The following METTL25 variants were observed in gnomAD, a reference collection of about 807,000 sequenced individuals.
METTL25 encodes the protein probable methyltransferase-like protein 25.
A neutral mutation model predicts 71.6 loss-of-function variants in METTL25; 64 were observed. That is an observed-to-expected ratio of 0.89 (90% confidence interval 0.73 to 1.10). The LOEUF is 1.10. Among genes scored for constraint, METTL25 ranks in the 50% least tolerant of loss-of-function variants. The pLI, the probability that METTL25 is intolerant of heterozygous loss-of-function variation, is 0.00. For missense variants in METTL25, 807 were observed against 707.0 expected, an observed-to-expected ratio of 1.14 and a Z score of -1.60; for synonymous variants, 287 against 250.3, an observed-to-expected ratio of 1.15 and a Z score of -1.38.
At chr12:82,428,414 C>T (rs146149259) in intron 5 of METTL25, among the ~76,000 whole-genome samples, 60 of 151,834 alleles carry the variant, frequency 4.0e-4, no homozygotes, top group African/African-American at 1.1e-3. Flanking sequence ...CTTTTTACAG[C>T]GAGATCTGTA....
Position 82,399,348 on chromosome 12 carries a change from T to C in METTL25, c.1085T>C (p.Phe362Ser), listed in dbSNP as rs1269392633. 1.1e-5 allele frequency: 18 copies of C among 1,603,012 alleles called. No individual in the cohort carries two copies. The highest frequency in any genetic ancestry group is 1.5e-5 in the Non-Finnish European group (18 of 1,176,104). Residue 362 changes from phenylalanine to serine, a missense_variant, in exon 4 of 12, where the codon TTT (phenylalanine) becomes TCT (serine). Coordinates refer to ENST00000248306, the MANE Select transcript of METTL25 (RefSeq NM_032230.3). ...ESNIYSPLTSFITADSELHDI... is the reference protein window; with the variant it reads ...ESNIYSPLTSSITADSELHDI... Reference sequence around the variant, plus strand: ...AATATATATTCACCTTTAACCTCTTTTATCACTGCTGATTCAGAACTCCAT... The same window carrying C: ...AATATATATTCACCTTTAACCTCTTCTATCACTGCTGATTCAGAACTCCAT...
chr12:82,476,226 T>A (rs975101188), intron 9 of METTL25: 2 of 157,644 alleles, frequency 1.3e-5, no homozygotes, highest in Admixed American at 6.5e-5. Context: ...CTACCTTAAG[T>A]ATGAACATAT....
intron 1 of METTL25, among the ~76,000 whole-genome samples, chr12:82,378,142 C>A (rs1458777250): frequency 6.6e-6 from 1 of 152,114 alleles, no homozygotes; most frequent in Non-Finnish European, 1.5e-5. Flanking sequence ...TCAGGTTCAG[C>A]CACAGAGTAT....
chr12:82,393,001 T>G (rs527491255), intron 3 of METTL25, among the ~76,000 whole-genome samples: 170 of 152,230 alleles, frequency 1.1e-3, no homozygotes, highest in African/African-American at 4.0e-3. Context: ...TCTGTTTTTA[T>G]GGGAGTGTCA....
intron 7 of METTL25, among the ~76,000 whole-genome samples, chr12:82,438,296 G>A (rs552260812): frequency 2.2e-4 from 33 of 151,510 alleles, no homozygotes; most frequent in Non-Finnish European, 4.3e-4. Flanking sequence ...GTGACTCCTA[G>A]CTGTTATTAT....
In METTL25 at chr12:82,417,845, AGATGACGTTGAGC is replaced by A. The variant is rs528796876; in HGVS notation, c.1280-13047_1280-13035del. On this transcript the variant is annotated intron_variant, in intron 5 of 11. Coordinates refer to ENST00000248306, the MANE Select transcript of METTL25 (RefSeq NM_032230.3). ...GTAGCCAGGAGAAGCTTTGTTGTTAAGATGACGTTGAGCAGACAGTTGAAAGATGAGGGAGCAA... is the reference window on the plus strand; with the variant it reads ...GTAGCCAGGAGAAGCTTTGTTGTTAAAGACAGTTGAAAGATGAGGGAGCAA... Among the ~76,000 whole-genome samples, 336 of 152,286 alleles carry A rather than the reference AGATGACGTTGAGC, an allele frequency of 2.2e-3. 1 individual carries two copies. The highest frequency in any genetic ancestry group is 0.02 in the South Asian group (97 of 4,824).
chr12:82,465,601 G>A (rs938933771), intron 9 of METTL25, among the ~76,000 whole-genome samples: 18 of 151,626 alleles, frequency 1.2e-4, no homozygotes, highest in Admixed American at 3.9e-4. Flanking sequence ...TGGTTTCAGC[G>A]TTATGCTGAC....
At chr12:82,473,918 A>C (rs1216298062) in intron 9 of METTL25, among the ~76,000 whole-genome samples, 1 of 152,116 alleles carries the variant, frequency 6.6e-6, no homozygotes. Context: ...TGGTGGAATG[A>C]AGATAGAACC....
chr12:82,446,854 T>G (rs1890788351), intron 8 of METTL25, among the ~76,000 whole-genome samples: 2 of 151,738 alleles, frequency 1.3e-5, no homozygotes, highest in Non-Finnish European at 2.9e-5. Flanking sequence ...TGACCTCAGG[T>G]GATCTGCCTG....
chr12:82,363,013 C>T (rs1258789000), intron 1 of METTL25, among the ~76,000 whole-genome samples: 1 of 152,168 alleles, frequency 6.6e-6, no homozygotes, highest in Admixed American at 6.5e-5. Context: ...CCCTGTAGAT[C>T]TAGCAGTGGA....
At position 82,389,846 on chromosome 12, in the gene METTL25, A is replaced by G; in HGVS notation, c.455A>G (p.Asn152Ser). The G allele has an allele frequency of 6.2e-7, 1 of 1,604,980 alleles. No individual in the cohort carries two copies. ...GENQKAVEFM[N>S]MKKSHEVQAM... The stretch of plus-strand genomic sequence containing the variant: ...AATCAGAAGGCAGTTGAGTTTATGA[A>G]TATGAAGAAATCTCATGAAGTTCAG... The change falls in exon 3 of 12, where the codon AAT becomes AGT. Residue 152 changes from asparagine (N) to serine (S), a missense_variant. By Grantham distance (46) the Asn-to-Ser change is conservative. Transcript: ENST00000248306.
intron 1 of METTL25, among the ~76,000 whole-genome samples, chr12:82,385,186 A>G (rs1884857973): frequency 6.6e-6 from 1 of 152,152 alleles, no homozygotes; most frequent in South Asian, 2.1e-4. Context: ...AATTTGGTAA[A>G]CATTACCACC....
chr12:82,427,542 C>T (rs1213859494), intron 5 of METTL25, among the ~76,000 whole-genome samples: 2 of 151,932 alleles, frequency 1.3e-5, no homozygotes, highest in African/African-American at 4.8e-5. Context: ...GAAGACCTCT[C>T]TGCCTGGAGA....
At chr12:82,375,452 AAT>A (rs1491076504) in intron 1 of METTL25, among the ~76,000 whole-genome samples, 48 of 151,722 alleles carry the variant, frequency 3.2e-4, no homozygotes, top group African/African-American at 1.2e-3. Context: ...GAAAAAAAAA[AAT>A]ATATATATGT....
In METTL25 at chr12:82,370,852, G is replaced by A. The variant is rs181300899; in HGVS notation, c.259+12028G>A. ...TGGCCTTTCCCTGCCTCTGCCAGCC[G>A]CTTATGCTGCTGTTCTCCTCTCTCC... On this transcript the variant is annotated intron_variant, in intron 1 of 11. Transcript: ENST00000248306. Among the ~76,000 whole-genome samples the A allele has an allele frequency of 5.3e-3, 807 of 151,712 alleles. 4 individuals are homozygous for A. Among genetic ancestry groups the A allele is most frequent in the Admixed American group, 0.028 (431 of 15,256 alleles).
Position 82,398,814 on chromosome 12 carries a change from G to A in METTL25, c.551G>A (p.Gly184Asp). 1 of 1,544,010 alleles carries A rather than the reference G, an allele frequency of 6.5e-7. No individual in the cohort carries two copies. The highest frequency in any genetic ancestry group is 1.8e-4 in the Middle Eastern group (1 of 5,712). Residue 184 changes from glycine (G) to aspartate (D), a missense_variant, in exon 4 of 12, where the codon GGT (glycine) becomes GAT (aspartate). Physicochemically the swap from Gly to Asp is moderately conservative, Grantham distance 94 (BLOSUM62 -1). Coordinates refer to ENST00000248306, the MANE Select transcript of METTL25 (RefSeq NM_032230.3). The part of the protein sequence containing the change: ...GIKQVIDLGS[G>D]KGYLSSFLSL... ...TCTTAGGTGATTGACTTGGGTTCCG[G>A]TAAAGGCTACCTAAGCTCTTTTTTG... is the stretch of plus-strand genomic sequence containing the variant.
rs1361708776 is a variant in METTL25, at chr12:82,377,695, G to A, written c.260-9108G>A. ...ATCTCTAGAATCAAGAGAAAAAACA[G>A]TTAATTGAATTGTTTGTCGTAATTT... On this transcript the variant is annotated intron_variant, in intron 1 of 11. Coordinates refer to ENST00000248306, the MANE Select transcript of METTL25 (RefSeq NM_032230.3). 2.0e-5 allele frequency among the ~76,000 whole-genome samples: 3 copies of A among 152,186 alleles called. No homozygotes were observed. The South Asian group carries it at 6.2e-4, about 31-fold the overall frequency.
At chr12:82,452,980 C>A (rs970704010) in intron 8 of METTL25, among the ~76,000 whole-genome samples, 1 of 152,080 alleles carries the variant, frequency 6.6e-6, no homozygotes, top group Non-Finnish European at 1.5e-5. Flanking sequence ...CCTATACCAA[C>A]CACTACACTA....
chr12:82,411,337 T>G (rs1887540790), intron 5 of METTL25, among the ~76,000 whole-genome samples: 1 of 151,986 alleles, frequency 6.6e-6, no homozygotes, highest in Admixed American at 6.6e-5. Flanking sequence ...GGAAAAGGGA[T>G]TATCAAGGAT....
Sources: gnomAD v4.1 joint callset for allele counts (sites outside exome capture counted in the v4.1 genomes callset) on GRCh38, gnomAD v4.1.1 for gene constraint, MANE v1.5 for transcripts, NCBI Gene and HGNC (gene_info 2026-07-23, HGNC 2026-07-21) for gene names.